The following LYPD6B variants were observed in gnomAD, a reference collection of about 807,000 sequenced individuals.
LYPD6B encodes the protein LY6/PLAUR domain containing 6B.
A neutral mutation model predicts 22.8 loss-of-function variants in LYPD6B; 17 were observed. The ratio of observed to expected loss-of-function variants is 0.75; its 90% CI spans 0.51 to 1.12. The LOEUF (loss-of-function observed/expected upper bound fraction) is 1.12. Among genes scored for constraint, LYPD6B ranks in the 50% most tolerant of loss-of-function variants. LYPD6B has a pLI of 0.00. For missense variants in LYPD6B, 221 were observed against 258.3 expected, an observed-to-expected ratio of 0.86 and a Z score of 0.99; for synonymous variants, 106 against 91.6, an observed-to-expected ratio of 1.16 and a Z score of -0.90.
chr2:149,148,372 A>G (rs1689165461), intron 2 of LYPD6B, among the ~76,000 whole-genome samples: 1 of 152,220 alleles, frequency 6.6e-6, no homozygotes, highest in Non-Finnish European at 1.5e-5. Flanking sequence ...AAGAGATTAA[A>G]GGAGTGAAAT....
At chr2:149,100,673 A>T (rs1431445946) in intron 1 of LYPD6B, among the ~76,000 whole-genome samples, 1 of 151,782 alleles carries the variant, frequency 6.6e-6, no homozygotes, top group African/African-American at 2.4e-5. Context: ...AATCCCTTCA[A>T]CTCCCACTGG....
In LYPD6B at chr2:149,135,249, TA is replaced by T. The variant is rs36032140; in HGVS notation, c.5+4313del. Among the ~76,000 whole-genome samples, 445 of 136,696 alleles carry T rather than the reference TA, an allele frequency of 3.3e-3. 1 individual carries two copies. Among genetic ancestry groups the T allele is most frequent in the Middle Eastern group, 7.8e-3 (2 of 258 alleles). The allele number at this position is 136,696 out of a possible 152,430, so 89.7% of individuals were successfully genotyped here. On this transcript the variant is annotated intron_variant, in intron 2 of 6. Transcript: ENST00000409642. ...GACAGAGCAAGACTCTGTCTCAAAT[TA>T]AAAAAAAAAAAAAAAATAGATTACT...
At chr2:149,040,805 G>A (rs1023491744) in intron 1 of LYPD6B, among the ~76,000 whole-genome samples, 1 of 152,238 alleles carries the variant, frequency 6.6e-6, no homozygotes, top group African/African-American at 2.4e-5. Flanking sequence ...CATCAGTCAA[G>A]TCTTCATCTA....
intron 1 of LYPD6B, among the ~76,000 whole-genome samples, chr2:149,070,456 A>G (rs1244341942): frequency 6.6e-6 from 1 of 152,128 alleles, no homozygotes; most frequent in Non-Finnish European, 1.5e-5. Flanking sequence ...TCTTTATTTT[A>G]TTGATCTCCT....
intron 2 of LYPD6B, chr2:149,131,649 G>C (rs114591775): frequency 6.6e-6 from 1 of 152,152 alleles, no homozygotes; most frequent in Admixed American, 6.5e-5. Flanking sequence ...AAGTATATAC[G>C]TGGACCTGTG....
intron 1 of LYPD6B, among the ~76,000 whole-genome samples, chr2:149,081,202 C>T (rs1291134553): frequency 6.6e-6 from 1 of 152,130 alleles, no homozygotes; most frequent in African/African-American, 2.4e-5. Context: ...ATTACTTCCC[C>T]TAGTAATTGT....
At chr2:149,125,907 G>A (rs1447262691) in intron 1 of LYPD6B, among the ~76,000 whole-genome samples, 2 of 152,006 alleles carry the variant, frequency 1.3e-5, no homozygotes, top group African/African-American at 4.8e-5. Context: ...CTCTGTTTTT[G>A]TGTATAAGAA....
At chr2:149,149,221 A>G (rs1300833378) in intron 2 of LYPD6B, among the ~76,000 whole-genome samples, 1 of 152,218 alleles carries the variant, frequency 6.6e-6, no homozygotes. Flanking sequence ...GCACCAACCT[A>G]ATAGAAAGAA....
At chr2:149,063,307 C>A (rs1336978102) in intron 1 of LYPD6B, among the ~76,000 whole-genome samples, 1 of 152,064 alleles carries the variant, frequency 6.6e-6, no homozygotes, top group Non-Finnish European at 1.5e-5. Context: ...AACATTGCCA[C>A]CCAAGAAGTA....
chr2:149,102,487 G>A (rs1175584512), intron 1 of LYPD6B, among the ~76,000 whole-genome samples: 1 of 152,176 alleles, frequency 6.6e-6, no homozygotes, highest in East Asian at 1.9e-4. Context: ...TTGTATGCTT[G>A]TTCCATAAGC....
intron 3 of LYPD6B, among the ~76,000 whole-genome samples, chr2:149,174,446 A>G (rs1691105068): frequency 6.6e-6 from 1 of 152,158 alleles, no homozygotes; most frequent in African/African-American, 2.4e-5. Context: ...GAGAGAGGGC[A>G]TCCTTGTCTT....
intron 3 of LYPD6B, among the ~76,000 whole-genome samples, chr2:149,178,869 G>C (rs1691509902): frequency 6.6e-6 from 1 of 152,208 alleles, no homozygotes; most frequent in Non-Finnish European, 1.5e-5. Flanking sequence ...GATGGAATGA[G>C]AGGCGGCCAT....
intron 1 of LYPD6B, among the ~76,000 whole-genome samples, chr2:149,048,513 A>G (rs1056874481): frequency 6.6e-6 from 1 of 152,018 alleles, no homozygotes; most frequent in African/African-American, 2.4e-5. Context: ...GTGGTAGTCC[A>G]TTGTTATTTG....
intron 1 of LYPD6B, among the ~76,000 whole-genome samples, chr2:149,068,410 G>C (rs1684440964): frequency 6.6e-6 from 1 of 152,090 alleles, no homozygotes; most frequent in Non-Finnish European, 1.5e-5. Context: ...AAGTATTTCT[G>C]AATTTTCAAG....
intron 5 of LYPD6B, among the ~76,000 whole-genome samples, chr2:149,212,037 G>A (rs1039189461): frequency 6.6e-6 from 1 of 152,078 alleles, no homozygotes; most frequent in East Asian, 1.9e-4. Flanking sequence ...ATACATGGAT[G>A]AGAAAAGTCT....
At chr2:149,066,375 G>C (rs1361988745) in intron 1 of LYPD6B, among the ~76,000 whole-genome samples, 3 of 148,790 alleles carry the variant, frequency 2.0e-5, no homozygotes, top group African/African-American at 7.5e-5. Flanking sequence ...CCCTTCCTGT[G>C]TCCATGTGTT....
At chr2:149,053,298 G>A (rs764665568) in intron 1 of LYPD6B, among the ~76,000 whole-genome samples, 8 of 152,088 alleles carry the variant, frequency 5.3e-5, no homozygotes, top group African/African-American at 9.7e-5. Context: ...TTTAATGACC[G>A]AATTGTATTC....
chr2:149,072,858 G>A (rs967907001), intron 1 of LYPD6B, among the ~76,000 whole-genome samples: 1 of 152,072 alleles, frequency 6.6e-6, no homozygotes, highest in Non-Finnish European at 1.5e-5. Flanking sequence ...TTTTAAATAG[G>A]GTGGTCAGGA....
At chr2:149,154,997 T>G (rs551902786) in intron 2 of LYPD6B, among the ~76,000 whole-genome samples, 4 of 152,364 alleles carry the variant, frequency 2.6e-5, no homozygotes, top group Non-Finnish European at 4.4e-5. Context: ...GCTTTGTTTC[T>G]TTTTTATTAA....
Sources: gnomAD v4.1 joint callset for allele counts (sites outside exome capture counted in the v4.1 genomes callset) on GRCh38, gnomAD v4.1.1 for gene constraint, MANE v1.5 for transcripts, NCBI Gene and HGNC (gene_info 2026-07-23, HGNC 2026-07-21) for gene names.